NCAM2: variants seen among roughly 807,000 people sequenced by gnomAD.
The protein encoded by NCAM2 is N-CAM-2.
NCAM2 carries 30 observed loss-of-function variants against 98.1 expected under a neutral mutation model. The ratio of observed to expected loss-of-function variants is 0.31; its 90% confidence interval spans 0.23 to 0.41. The LOEUF is 0.41. Among genes scored for constraint, NCAM2 ranks in the 10% least tolerant of loss-of-function variants. The pLI, the probability that NCAM2 is intolerant of heterozygous loss-of-function variation, is 1.00. For missense variants in NCAM2, 867 were observed against 1,005.8 expected (o/e 0.86, Z 1.87); for synonymous variants, 368 against 342.4 (o/e 1.07, Z -0.83).
chr21:21,246,484 AAG>A (rs1240553110), intron 1 of NCAM2, among the ~76,000 whole-genome samples: 1 of 152,198 alleles, frequency 6.6e-6, no homozygotes, highest in Admixed American at 6.5e-5. Context: ...TTTGCATACA[AAG>A]AGATATGTTA....
At position 21,542,835 on chromosome 21, in the gene NCAM2, T is replaced by G. The variant is rs1437940794; in HGVS notation, c.*4878T>G. The G allele has an allele frequency of 1.3e-5, 2 of 151,852 alleles. No individual in the cohort carries two copies. The highest frequency in any genetic ancestry group is 2.1e-4 in the South Asian group (1 of 4,822). The allele number at this position is 151,852 out of a possible 1,614,324, so 9.4% of individuals were successfully genotyped here. A position where few individuals can be genotyped will look rare whatever the true frequency, so the allele number is the denominator to read the frequency against. ...ACACAGAGGAGAAAGTTAACAGAGA[T>G]AGAATCTATGATTTAATTTTGCAAA... On this transcript the variant is annotated 3_prime_UTR_variant, in exon 18 of 18. Transcript: ENST00000400546.
At position 21,383,497 on chromosome 21, in the gene NCAM2, C is replaced by G. The variant is rs548116096; in HGVS notation, c.1195+9484C>G. On this transcript the variant is annotated intron_variant, in intron 9 of 17. Transcript: ENST00000400546. Reference sequence around the variant, plus strand: ...ACTAGGGCCCGTCCCCTGGGAAAAGCCTTGAGAGAAAAACAAAGAAAAAAA... The same window carrying G: ...ACTAGGGCCCGTCCCCTGGGAAAAGGCTTGAGAGAAAAACAAAGAAAAAAA... Among the ~76,000 whole-genome samples the G allele has an allele frequency of 5.3e-5, 8 of 152,184 alleles. No homozygotes were observed. The South Asian group carries it at 1.0e-3, about 20-fold the overall frequency.
intron 1 of NCAM2, among the ~76,000 whole-genome samples, chr21:21,212,102 A>G (rs568381132): frequency 1.3e-5 from 2 of 152,370 alleles, no homozygotes; most frequent in African/African-American, 4.8e-5. Flanking sequence ...CAAAACCTCT[A>G]CAAAAATATC....
chr21:21,110,996 A>T (rs1304299181), intron 1 of NCAM2, among the ~76,000 whole-genome samples: 1 of 152,136 alleles, frequency 6.6e-6, no homozygotes, highest in Non-Finnish European at 1.5e-5. Context: ...AGAAATCATC[A>T]TGCATATGTT....
At chr21:21,170,355 G>T (rs2068083281) in intron 1 of NCAM2, among the ~76,000 whole-genome samples, 2 of 152,142 alleles carry the variant, frequency 1.3e-5, no homozygotes, top group African/African-American at 4.8e-5. Flanking sequence ...TTAGTAAATG[G>T]TAATACATCC....
At chr21:21,146,017 G>C (rs1202842922) in intron 1 of NCAM2, among the ~76,000 whole-genome samples, 1 of 152,160 alleles carries the variant, frequency 6.6e-6, no homozygotes. Flanking sequence ...GTTCTGCCTG[G>C]AAACTTTTGC....
chr21:21,320,316 A>T (rs369850409), intron 5 of NCAM2, among the ~76,000 whole-genome samples: 1 of 152,216 alleles, frequency 6.6e-6, no homozygotes, highest in East Asian at 1.9e-4. Context: ...AGTTTATAGT[A>T]ATCAGGAAGA....
intron 1 of NCAM2, among the ~76,000 whole-genome samples, chr21:21,107,338 A>G (rs1021099244): frequency 2.0e-5 from 3 of 152,134 alleles, no homozygotes; most frequent in Admixed American, 6.6e-5. Flanking sequence ...AAATAATACC[A>G]GAGCCCACAA....
intron 1 of NCAM2, among the ~76,000 whole-genome samples, chr21:21,271,019 G>A (rs1342999155): frequency 1.3e-5 from 2 of 151,052 alleles, no homozygotes; most frequent in Non-Finnish European, 2.9e-5. Flanking sequence ...TAGTTTTTCA[G>A]TACTGATTAT....
intron 1 of NCAM2, among the ~76,000 whole-genome samples, chr21:21,110,673 A>G (rs2066436488): frequency 6.6e-6 from 1 of 151,410 alleles, no homozygotes; most frequent in African/African-American, 2.4e-5. Flanking sequence ...AAAAACCTGT[A>G]TATTTTGATT....
chr21:21,052,885 T>C (rs1231421332), intron 1 of NCAM2, among the ~76,000 whole-genome samples: 1 of 152,182 alleles, frequency 6.6e-6, no homozygotes. Flanking sequence ...TCTTAAAAAA[T>C]TTAGAGTAAA....
At chr21:21,014,355 C>T (rs1343454772) in intron 1 of NCAM2, among the ~76,000 whole-genome samples, 5 of 148,984 alleles carry the variant, frequency 3.4e-5, no homozygotes, top group South Asian at 2.1e-4. Flanking sequence ...ACCTGGGAGG[C>T]GGAGGTTGCA....
At chr21:21,020,540 G>C (rs1221461451) in intron 1 of NCAM2, among the ~76,000 whole-genome samples, 1 of 152,194 alleles carries the variant, frequency 6.6e-6, no homozygotes, top group Non-Finnish European at 1.5e-5. Context: ...GCATTTCACA[G>C]CGTGACCACA....
At chr21:21,238,460 A>G (rs1452914491) in intron 1 of NCAM2, among the ~76,000 whole-genome samples, 4 of 152,210 alleles carry the variant, frequency 2.6e-5, no homozygotes, top group African/African-American at 9.6e-5. Context: ...TATATTCTGA[A>G]CATGGAAATT....
intron 1 of NCAM2, among the ~76,000 whole-genome samples, chr21:21,061,062 G>A (rs2065311361): frequency 6.6e-6 from 1 of 152,104 alleles, no homozygotes; most frequent in South Asian, 2.1e-4. Flanking sequence ...AAGGAGTAAG[G>A]ATTGTATAAG....
At chr21:21,420,275 A>T (rs1349994289) in intron 11 of NCAM2, among the ~76,000 whole-genome samples, 9 of 152,100 alleles carry the variant, frequency 5.9e-5, no homozygotes. Context: ...AAACTTAAAG[A>T]TATAGAAATA....
intron 1 of NCAM2, among the ~76,000 whole-genome samples, chr21:21,065,596 C>A (rs978805094): frequency 6.6e-6 from 1 of 152,058 alleles, no homozygotes; most frequent in Non-Finnish European, 1.5e-5. Context: ...AAAAATGACG[C>A]CTTGAAAAAT....
intron 1 of NCAM2, among the ~76,000 whole-genome samples, chr21:21,240,672 C>T (rs771134788): frequency 6.6e-6 from 1 of 152,148 alleles, no homozygotes; most frequent in East Asian, 1.9e-4. Context: ...ATTTTTATAT[C>T]TACCATCTCA....
chr21:21,372,123 T>G (rs2148043953), intron 8 of NCAM2, among the ~76,000 whole-genome samples: 1 of 151,890 alleles, frequency 6.6e-6, no homozygotes, highest in East Asian at 1.9e-4. Flanking sequence ...TAATGACACA[T>G]TATATAATTT....
Sources: allele counts gnomAD v4.1 joint callset (sites outside exome capture counted in the v4.1 genomes callset), GRCh38; gene constraint gnomAD v4.1.1; transcripts MANE v1.5; gene names NCBI Gene and HGNC (gene_info 2026-07-23, HGNC 2026-07-21).